Variants in VPS41 observed in about 807,000 individuals in gnomAD.
VPS41 encodes VPS41 subunit of HOPS complex.
In VPS41, 85 loss-of-function variants were observed where a neutral mutation model predicts 130.9. That is an observed-to-expected ratio of 0.65 (90% CI 0.55 to 0.78). VPS41 has a LOEUF of 0.78. Ranked by LOEUF, VPS41 falls within the 30% of genes least tolerant of loss-of-function variation. The probability of loss-of-function intolerance (pLI) is 0.00; values close to 1 mark genes in which losing one functional copy is unlikely to be tolerated. For missense variants in VPS41, 874 were observed against 1,018.7 expected, an observed-to-expected ratio of 0.86 and a Z score of 1.93; for synonymous variants, 335 against 332.9, an observed-to-expected ratio of 1.01 and a Z score of -0.07.
At chr7:38,765,956 G>A (rs990189288) in intron 15 of VPS41, among the ~76,000 whole-genome samples, 4 of 152,178 alleles carry the variant, frequency 2.6e-5, no homozygotes, top group African/African-American at 9.7e-5. Flanking sequence ...CCTGTTCTAA[G>A]TTTCCCATTT....
chr7:38,792,846 C>G (rs1481850363), intron 9 of VPS41, among the ~76,000 whole-genome samples: 2 of 152,084 alleles, frequency 1.3e-5, no homozygotes, highest in African/African-American at 4.8e-5. Flanking sequence ...ACATCCCTCT[C>G]CTCCACATCT....
chr7:38,820,732 G>C (rs1197848873), intron 6 of VPS41, among the ~76,000 whole-genome samples: 1 of 152,092 alleles, frequency 6.6e-6, no homozygotes, highest in Non-Finnish European at 1.5e-5. Context: ...GAACTTTCTA[G>C]CCTCTCCATT....
At chr7:38,861,988 GATCA>G in intron 4 of VPS41, among the ~76,000 whole-genome samples, 1 of 152,272 alleles carries the variant, frequency 6.6e-6, no homozygotes, top group African/African-American at 2.4e-5. Context: ...CCAGCAAGGT[GATCA>G]ATCAATTTTC....
At position 38,742,085 on chromosome 7, in the gene VPS41, T is replaced by C. The variant is rs1263532138; in HGVS notation, c.2159A>G (p.His720Arg). Residue 720 changes from histidine to arginine, a missense_variant, in exon 25 of 29, where the codon CAT becomes CGT. Coordinates refer to ENST00000310301, the MANE Select transcript of VPS41 (RefSeq NM_014396.4). ...GTGAATCAGTAGAATTGGGTCAACA[T>C]GTGTGCCAATGTTGTTTAACAAGCC... is the stretch of plus-strand genomic sequence containing the variant. ...ITGLLNNIGT[H>R]VDPILLIHRI... 1.2e-6 allele frequency: 2 copies of C among 1,611,880 alleles called. No homozygotes were observed. The highest frequency in any genetic ancestry group is 1.3e-5 in the African/African-American group (1 of 75,004).
At chr7:38,735,652 C>T (rs1038485138) in intron 25 of VPS41, among the ~76,000 whole-genome samples, 1 of 152,174 alleles carries the variant, frequency 6.6e-6, no homozygotes, top group Non-Finnish European at 1.5e-5. Flanking sequence ...TCTCGCTCAT[C>T]CCCAGGTCTA....
At chr7:38,728,318 C>A in intron 27 of VPS41, 2 of 690,026 alleles carry the variant, frequency 2.9e-6, no homozygotes, top group South Asian at 1.6e-5. Flanking sequence ...TTCCAATAAG[C>A]CTGCCAGGTG....
At chr7:38,833,111 C>A (rs73123603) in intron 4 of VPS41, among the ~76,000 whole-genome samples, 9,176 of 152,220 alleles carry the variant, frequency 0.06, 287 homozygotes, top group Middle Eastern at 0.082. Context: ...CACTCTATAT[C>A]TAATCTTTCA....
intron 1 of VPS41, among the ~76,000 whole-genome samples, chr7:38,902,843 C>A (rs183806447): frequency 6.6e-6 from 1 of 152,294 alleles, no homozygotes; most frequent in Admixed American, 6.5e-5. Flanking sequence ...AATATCAGAG[C>A]TTGGTTTTTA....
Position 38,870,739 on chromosome 7 carries a change from C to CAAAAAAAAAAA in VPS41, c.61-1497_61-1487dup, listed in dbSNP as rs70977434. On this transcript the variant is annotated intron_variant, in intron 2 of 28. Transcript: ENST00000310301. The stretch of plus-strand genomic sequence containing the variant: ...TTTAAAATAACTATGACTATATGTT[C>CAAAAAAAAAAA]AAAAAAAAAAAAAAAAAAAAAAAAA... Among the ~76,000 whole-genome samples, 20 of 29,730 alleles carry CAAAAAAAAAAA rather than the reference C, an allele frequency of 6.7e-4. 1 individual carries two copies. The highest frequency in any genetic ancestry group is 2.1e-3 in the East Asian group (2 of 936). The allele number at this position is 29,730 out of a possible 152,430, so 19.5% of individuals were successfully genotyped here. A position where few individuals can be genotyped will look rare whatever the true frequency, so the allele number is the denominator to read the frequency against.
chr7:38,901,225 T>C (rs1787132464), intron 1 of VPS41, among the ~76,000 whole-genome samples: 1 of 152,206 alleles, frequency 6.6e-6, no homozygotes, highest in African/African-American at 2.4e-5. Flanking sequence ...GGAGTTACTG[T>C]TAAATGGGTA....
At chr7:38,729,981 C>T (rs907234465) in intron 25 of VPS41, among the ~76,000 whole-genome samples, 8 of 152,076 alleles carry the variant, frequency 5.3e-5, no homozygotes, top group Admixed American at 2.0e-4. Flanking sequence ...AAACTCAAGG[C>T]CTGAAGGACA....
intron 6 of VPS41, among the ~76,000 whole-genome samples, chr7:38,818,761 T>C (rs1785110591): frequency 6.6e-6 from 1 of 152,214 alleles, no homozygotes; most frequent in Non-Finnish European, 1.5e-5. Flanking sequence ...TAATTTAACA[T>C]AGAGAATTTT....
At chr7:38,797,791 G>A (rs914437853) in intron 7 of VPS41, among the ~76,000 whole-genome samples, 2 of 152,166 alleles carry the variant, frequency 1.3e-5, no homozygotes, top group African/African-American at 4.8e-5. Flanking sequence ...AGGGGAAAGA[G>A]AGTAAATTCA....
intron 5 of VPS41, among the ~76,000 whole-genome samples, chr7:38,824,877 C>T (rs952455701): frequency 2.0e-5 from 3 of 152,090 alleles, no homozygotes; most frequent in Non-Finnish European, 4.4e-5. Flanking sequence ...ACAAATGATG[C>T]ATAAGCCTGT....
intron 2 of VPS41, among the ~76,000 whole-genome samples, chr7:38,884,715 G>A (rs760405191): frequency 1.1e-4 from 17 of 152,078 alleles, no homozygotes; most frequent in Non-Finnish European, 2.5e-4. Context: ...AATACAATGC[G>A]CACACAATCT....
At chr7:38,885,471 C>A (rs1318227424) in intron 2 of VPS41, among the ~76,000 whole-genome samples, 1 of 152,138 alleles carries the variant, frequency 6.6e-6, no homozygotes, top group African/African-American at 2.4e-5. Context: ...TATTATTAAT[C>A]GCTCAATTTC....
chr7:38,814,984 T>C (rs959535581), intron 7 of VPS41, among the ~76,000 whole-genome samples: 13 of 152,168 alleles, frequency 8.5e-5, no homozygotes, highest in Non-Finnish European at 1.5e-4. Flanking sequence ...AATATCCCAA[T>C]TGAACCCTCA....
At chr7:38,775,902 T>C (rs1358226300) in intron 11 of VPS41, among the ~76,000 whole-genome samples, 1 of 152,074 alleles carries the variant, frequency 6.6e-6, no homozygotes, top group Non-Finnish European at 1.5e-5. Flanking sequence ...TCAATTACAA[T>C]TTCTTCTATA....
intron 4 of VPS41, among the ~76,000 whole-genome samples, chr7:38,857,412 A>T (rs10259755): frequency 6.6e-6 from 1 of 152,060 alleles, no homozygotes; most frequent in Admixed American, 6.5e-5. Flanking sequence ...GAACAGTAGA[A>T]ATTTATGTTT....
Sources: allele counts gnomAD v4.1 joint callset (sites outside exome capture counted in the v4.1 genomes callset), GRCh38; gene constraint gnomAD v4.1.1; transcripts MANE v1.5; gene names NCBI Gene and HGNC (gene_info 2026-07-23, HGNC 2026-07-21).